SCN10A: variants seen among roughly 807,000 people sequenced by gnomAD.
SCN10A encodes the protein sodium voltage-gated channel alpha subunit 10.
Under a neutral mutation model 170.7 loss-of-function variants are expected in SCN10A, and 162 were observed. That is an observed-to-expected ratio of 0.95 (90% CI 0.84 to 1.08). The LOEUF is 1.08. SCN10A is among the 50% of genes least tolerant of loss of function. The pLI, the probability that SCN10A is intolerant of heterozygous loss-of-function variation, is 0.00. For synonymous variants in SCN10A, 985 were observed against 904.6 expected, an observed-to-expected ratio of 1.09 and a Z score of -1.59; for missense variants, 2,527 against 2,436.9, an observed-to-expected ratio of 1.04 and a Z score of -0.78.
intron 1 of SCN10A, among the ~76,000 whole-genome samples, chr3:38,799,035 A>G (rs1367042521): frequency 6.6e-6 from 1 of 151,890 alleles, no homozygotes; most frequent in Non-Finnish European, 1.5e-5. Context: ...TTCCCACCTC[A>G]GCCTCCCAAA....
intron 21 of SCN10A, among the ~76,000 whole-genome samples, chr3:38,717,816 G>T (rs959817768): frequency 6.6e-6 from 1 of 152,172 alleles, no homozygotes; most frequent in Non-Finnish European, 1.5e-5. Context: ...TCAGCTATGC[G>T]GCAGTGAACA....
chr3:38,728,565 C>A lies in SCN10A; in HGVS notation c.2617G>T (p.Val873Leu). 1 of 1,595,618 alleles carries A rather than the reference C, an allele frequency of 6.3e-7. No homozygotes were observed. The highest frequency in any genetic ancestry group is 8.6e-7 in the Non-Finnish European group (1 of 1,167,968). ...KSICLILFLTVMVLGNLVVLN... is the reference protein window; with the variant it reads ...KSICLILFLTLMVLGNLVVLN... The stretch of plus-strand genomic sequence containing the variant: ...ACCACCAGGTTCCCTAGCACCATCA[C>A]CGTCAAGAAAAGGATGAGGCATATG... Residue 873 changes from valine (V) to leucine (L), a missense_variant, in exon 16 of 28, where the codon GTG (valine) becomes TTG (leucine). Val to Leu is a conservative substitution (Grantham distance 32). Transcript: ENST00000449082.
chr3:38,765,038 C>T lies in SCN10A; in HGVS notation c.600-1442G>A, dbSNP rs530493685. ...AGAATTGCGTATTCTTGTCCTTTGCCCACTTTTGGATGGGATTATTTGTTT... is the reference window on the plus strand; with the variant it reads ...AGAATTGCGTATTCTTGTCCTTTGCTCACTTTTGGATGGGATTATTTGTTT... On this transcript the variant is annotated intron_variant, in intron 5 of 27. Transcript: ENST00000449082. Among the ~76,000 whole-genome samples, 49 of 151,990 alleles carry T rather than the reference C, an allele frequency of 3.2e-4. 1 individual carries two copies. The highest frequency in any genetic ancestry group is 3.4e-3 in the Middle Eastern group (1 of 294).
At chr3:38,789,693 G>A (rs1440195005) in intron 3 of SCN10A, among the ~76,000 whole-genome samples, 1 of 152,084 alleles carries the variant, frequency 6.6e-6, no homozygotes, top group Non-Finnish European at 1.5e-5. Context: ...GTAGGATTAG[G>A]CTGGAGTGGA....
At chr3:38,703,277 C>T (rs1278259283) in intron 26 of SCN10A, among the ~76,000 whole-genome samples, 6 of 152,192 alleles carry the variant, frequency 3.9e-5, no homozygotes, top group Non-Finnish European at 8.8e-5. Context: ...GGCTATTATC[C>T]TAGGCAACAT....
intron 20 of SCN10A, among the ~76,000 whole-genome samples, chr3:38,719,343 C>G (rs2125994883): frequency 1.5e-5 from 2 of 131,028 alleles, no homozygotes; most frequent in South Asian, 5.2e-4. Flanking sequence ...CCCTAGGATG[C>G]TGTGGCTGTG....
At chr3:38,783,154 C>A (rs932532165) in intron 4 of SCN10A, among the ~76,000 whole-genome samples, 1 of 152,044 alleles carries the variant, frequency 6.6e-6, no homozygotes, top group Admixed American at 6.6e-5. Context: ...TCCTTAGAGG[C>A]CCAATCTCCA....
chr3:38,723,548 C>T lies in SCN10A; in HGVS notation c.3234G>A (p.Val1078=), dbSNP rs889915256. The T allele has an allele frequency of 8.8e-6, 14 of 1,590,292 alleles. No homozygotes were observed. The African/African-American group carries it at 1.3e-4, about 15-fold the overall frequency. The stretch of plus-strand genomic sequence containing the variant: ...TGCCCTCAGAGGAGCTTGTGTCGTC[C>T]ACTCCCTGCAGGGGAGAAGCCCAGG... ...ESVPQVPAEG[V]DDTSSSEGST... The change falls in exon 19 of 28, where the codon GTG becomes GTA. Residue 1078 remains valine (V), a synonymous_variant. Coordinates refer to ENST00000449082, the MANE Select transcript of SCN10A (RefSeq NM_006514.4).
chr3:38,720,304 A>C (rs903710622), intron 20 of SCN10A, among the ~76,000 whole-genome samples: 4 of 152,234 alleles, frequency 2.6e-5, no homozygotes, highest in Non-Finnish European at 5.9e-5. Flanking sequence ...AGATAATATG[A>C]GACTATTTAC....
chr3:38,724,118 A>T (rs923363912), intron 18 of SCN10A, among the ~76,000 whole-genome samples: 5 of 152,214 alleles, frequency 3.3e-5, no homozygotes, highest in African/African-American at 9.7e-5. Flanking sequence ...GAAGCATGAC[A>T]TCCACGTGCA....
At chr3:38,812,414 A>G (rs1308612221) in intron 1 of SCN10A, among the ~76,000 whole-genome samples, 3 of 152,172 alleles carry the variant, frequency 2.0e-5, no homozygotes, top group African/African-American at 4.8e-5. Context: ...ATATTAACAC[A>G]TCATTCTTGG....
chr3:38,752,214 C>A lies in SCN10A; in HGVS notation c.1755+5G>T. 6.6e-7 allele frequency: 1 copy of A among 1,506,512 alleles called. No homozygotes were observed. Among genetic ancestry groups the A allele is most frequent in the Non-Finnish European group, 8.9e-7 (1 of 1,126,840 alleles). The allele number at this position is 1,506,512 out of a possible 1,614,324, so 93.3% of individuals were successfully genotyped here. ...TGAGGGAGTCTGAAGCATTCACAAA[C>A]TCACCGAGACATCGACAGCTCCAGG... is the stretch of plus-strand genomic sequence containing the variant. On this transcript the variant is annotated splice_donor_5th_base_variant and intron_variant, in intron 12 of 27. Coordinates refer to ENST00000449082, the MANE Select transcript of SCN10A (RefSeq NM_006514.4).
chr3:38,712,241 A>C lies in SCN10A; in HGVS notation c.4009T>G (p.Ser1337Ala). 1 of 1,614,206 alleles carries C rather than the reference A, an allele frequency of 6.2e-7. No individual in the cohort carries two copies. The highest frequency in any genetic ancestry group is 8.5e-7 in the Non-Finnish European group (1 of 1,180,008). ...TTGACCCAGAAGAAGCTGCCAGTGG[A>C]GTTTTGAATCTTGCAGTCAGACTTG... ...NNKSDCKIQNSTGSFFWVNVK... is the reference protein window; with the variant it reads ...NNKSDCKIQNATGSFFWVNVK... The change falls in exon 23 of 28, where the codon TCC becomes GCC. Residue 1337 changes from serine to alanine, a missense_variant. By Grantham distance (99) the Ser-to-Ala change is moderately conservative. Coordinates refer to ENST00000449082, the MANE Select transcript of SCN10A (RefSeq NM_006514.4).
rs2063840523 is a variant in SCN10A, at chr3:38,759,137, G to A, written c.950+1544C>T. ...TGAGCTGATGAAGGTGGAGCCTCATGCAGGCTCCACACAGGTCGACCTGGG... is the reference window on the plus strand; with the variant it reads ...TGAGCTGATGAAGGTGGAGCCTCATACAGGCTCCACACAGGTCGACCTGGG... On this transcript the variant is annotated intron_variant, in intron 8 of 27. Coordinates refer to ENST00000449082, the MANE Select transcript of SCN10A (RefSeq NM_006514.4). Among the ~76,000 whole-genome samples the A allele has an allele frequency of 2.6e-5, 4 of 152,156 alleles. No individual in the cohort carries two copies. The South Asian group carries it at 8.3e-4, about 31-fold the overall frequency.
intron 16 of SCN10A, 56 bp from the exon 17 acceptor site, chr3:38,727,108 T>G: frequency 6.6e-7 from 1 of 1,524,874 alleles, no homozygotes; most frequent in Non-Finnish European, 9.0e-7. Context: ...AGCCCCACAT[T>G]GGCCTACCGG....
chr3:38,725,613 T>C (rs1269074137), intron 17 of SCN10A, among the ~76,000 whole-genome samples: 1 of 152,272 alleles, frequency 6.6e-6, no homozygotes, highest in Non-Finnish European at 1.5e-5. Flanking sequence ...TCTGCATCAT[T>C]CAGCTGTTTT....
intron 1 of SCN10A, among the ~76,000 whole-genome samples, chr3:38,814,504 G>C (rs2064460055): frequency 6.6e-6 from 1 of 152,108 alleles, no homozygotes; most frequent in African/African-American, 2.4e-5. Context: ...TAATTAGTGG[G>C]TTTCTCCTCC....
At position 38,710,541 on chromosome 3, in the gene SCN10A, C is replaced by A. The variant is rs118048890; in HGVS notation, c.4143+303G>T. On this transcript the variant is annotated intron_variant, in intron 24 of 27. Transcript: ENST00000449082. ...TTAGCTACTACCCTTGCTTTGCTCCCACCCTTGTCCAGGGAGTGGCTCACA... is the reference window on the plus strand; with the variant it reads ...TTAGCTACTACCCTTGCTTTGCTCCAACCCTTGTCCAGGGAGTGGCTCACA... Among the ~76,000 whole-genome samples the A allele has an allele frequency of 2.6e-5, 4 of 152,306 alleles. No individual in the cohort carries two copies. In the East Asian group the frequency reaches 7.7e-4, roughly 29 times the overall value.
intron 14 of SCN10A, 127 bp downstream of exon 14, chr3:38,742,164 T>G: frequency 1.5e-6 from 1 of 678,634 alleles, no homozygotes; most frequent in Non-Finnish European, 2.6e-6. Flanking sequence ...GCTGCTCTGC[T>G]CTCAGCTAAC....
Sources: allele counts gnomAD v4.1 joint callset (sites outside exome capture counted in the v4.1 genomes callset), GRCh38; gene constraint gnomAD v4.1.1; transcripts MANE v1.5; gene names NCBI Gene and HGNC (gene_info 2026-07-23, HGNC 2026-07-21).